Variants in MIR2052HG observed in about 807,000 individuals in gnomAD.
The protein encoded by MIR2052HG is MIR2052 host gene.
In MIR2052HG at chr8:74,713,851, G is replaced by A. The variant is rs527797881; in HGVS notation, n.371+10169G>A. The stretch of plus-strand genomic sequence containing the variant: ...ACTTTCAGAAGATACTTTGGGAAAT[G>A]TCCCACCCTAAAGAAAAACCATATT... On this transcript the variant is annotated intron_variant and non_coding_transcript_variant, in intron 4 of 6. Coordinates refer to ENST00000523442, the Ensembl canonical transcript of MIR2052HG. Among the ~76,000 whole-genome samples the A allele has an allele frequency of 7.9e-5, 12 of 152,186 alleles. No homozygotes were observed. In the South Asian group the frequency reaches 2.5e-3, roughly 32 times the overall value.
At chr8:74,642,791 A>G (rs1387248049) in intron 2 of MIR2052HG, among the ~76,000 whole-genome samples, 2 of 152,262 alleles carry the variant, frequency 1.3e-5, no homozygotes, top group East Asian at 3.9e-4. Context: ...TACAGGTTAA[A>G]CAACCTGATG....
chr8:74,633,630 A>G (rs1353105697), intron 2 of MIR2052HG, among the ~76,000 whole-genome samples: 1 of 152,162 alleles, frequency 6.6e-6, no homozygotes, highest in Non-Finnish European at 1.5e-5. Context: ...CCTAGGCTCA[A>G]TGTACTACTA....
chr8:74,727,185 G>T (rs1809645769), intron 4 of MIR2052HG, among the ~76,000 whole-genome samples: 2 of 152,124 alleles, frequency 1.3e-5, no homozygotes, highest in East Asian at 1.9e-4. Context: ...GTTAAAATCT[G>T]CTCTACATAC....
chr8:74,690,689 TAA>T lies in MIR2052HG; in HGVS notation n.217-11686_217-11685del, dbSNP rs543942129. ...AAAATAAAAATAAAAATTAAAAAATTAAAAAGTGTTAAGCCAGGAAAAGCATT... is the reference window on the plus strand; with the variant it reads ...AAAATAAAAATAAAAATTAAAAAATTAAAGTGTTAAGCCAGGAAAAGCATT... On this transcript the variant is annotated intron_variant and non_coding_transcript_variant, in intron 2 of 6. Transcript: ENST00000523442. Among the ~76,000 whole-genome samples the T allele has an allele frequency of 4.6e-4, 70 of 151,904 alleles. No individual in the cohort carries two copies. The East Asian group carries it at 7.4e-3, about 16-fold the overall frequency.
intron 4 of MIR2052HG, among the ~76,000 whole-genome samples, chr8:74,727,460 A>G (rs150708374): frequency 1.3e-5 from 2 of 152,332 alleles, no homozygotes; most frequent in Non-Finnish European, 2.9e-5. Context: ...TTTAAAAAGT[A>G]CTGAATAAGG....
intron 2 of MIR2052HG, among the ~76,000 whole-genome samples, chr8:74,629,602 A>G (rs1808481384): frequency 6.6e-6 from 1 of 151,904 alleles, no homozygotes; most frequent in Non-Finnish European, 1.5e-5. Flanking sequence ...CAGAGAGCTT[A>G]CTCCTGTCAG....
chr8:74,684,958 C>G (rs1048770462), intron 2 of MIR2052HG, among the ~76,000 whole-genome samples: 3 of 152,044 alleles, frequency 2.0e-5, no homozygotes, highest in Non-Finnish European at 4.4e-5. Context: ...TACAGCGAGA[C>G]AAATCTGATT....
chr8:74,681,197 A>G (rs1458599374), intron 2 of MIR2052HG, among the ~76,000 whole-genome samples: 2 of 151,606 alleles, frequency 1.3e-5, no homozygotes, highest in African/African-American at 2.4e-5. Context: ...CATGTACCCT[A>G]AAACTTAAAG....
chr8:74,725,051 C>T (rs1471626471), intron 4 of MIR2052HG, among the ~76,000 whole-genome samples: 2 of 152,088 alleles, frequency 1.3e-5, no homozygotes, highest in Non-Finnish European at 2.9e-5. Flanking sequence ...CGTATTAAAT[C>T]CCCTGGTGCA....
chr8:74,626,159 C>G (rs1244147485), intron 2 of MIR2052HG, among the ~76,000 whole-genome samples: 1 of 152,162 alleles, frequency 6.6e-6, no homozygotes, highest in East Asian at 1.9e-4. Context: ...TTGGCTCACT[C>G]AGAGCAGAGC....
chr8:74,726,676 A>G (rs1014917269), intron 4 of MIR2052HG, among the ~76,000 whole-genome samples: 1 of 152,214 alleles, frequency 6.6e-6, no homozygotes, highest in East Asian at 1.9e-4. Flanking sequence ...ACTGTGGAGC[A>G]TGTCTTGTCT....
chr8:74,643,727 TC>T (rs553122518), intron 2 of MIR2052HG, among the ~76,000 whole-genome samples: 12 of 152,322 alleles, frequency 7.9e-5, no homozygotes, highest in African/African-American at 2.9e-4. Context: ...TAGCAAAGTT[TC>T]CCTTGTACGG....
At chr8:74,609,242 A>T (rs955457233) in intron 1 of MIR2052HG, among the ~76,000 whole-genome samples, 1 of 151,982 alleles carries the variant, frequency 6.6e-6, no homozygotes, top group African/African-American at 2.4e-5. Flanking sequence ...AACAGAGTTT[A>T]CTGAGGAAGA....
At chr8:74,752,683 A>G in intron 5 of MIR2052HG, 1 of 330,748 alleles carries the variant, frequency 3.0e-6, no homozygotes, top group Non-Finnish European at 5.9e-6. Context: ...ATGCCTAGAA[A>G]AATGCTAGAT....
intron 4 of MIR2052HG, among the ~76,000 whole-genome samples, chr8:74,708,826 T>A (rs1024857061): frequency 2.0e-5 from 3 of 151,142 alleles, no homozygotes; most frequent in African/African-American, 7.3e-5. Context: ...AAATTAAAAT[T>A]AAAAATTTAA....
chr8:74,635,527 C>T (rs576734602), intron 2 of MIR2052HG, among the ~76,000 whole-genome samples: 1 of 152,262 alleles, frequency 6.6e-6, no homozygotes, highest in South Asian at 2.1e-4. Context: ...ATGCACAGAA[C>T]ACAATTTGTT....
intron 2 of MIR2052HG, among the ~76,000 whole-genome samples, chr8:74,647,950 C>T (rs1308704535): frequency 2.0e-5 from 3 of 152,090 alleles, no homozygotes; most frequent in Non-Finnish European, 1.5e-5. Flanking sequence ...TGTATGTCAC[C>T]TCAAGACCAC....
chr8:74,694,311 G>T (rs1176638933), intron 2 of MIR2052HG, among the ~76,000 whole-genome samples: 3 of 152,190 alleles, frequency 2.0e-5, no homozygotes, highest in Admixed American at 1.3e-4. Context: ...GGGAAGGGGA[G>T]AGCACCACAT....
intron 2 of MIR2052HG, among the ~76,000 whole-genome samples, chr8:74,642,192 AT>A (rs1039014583): frequency 1.3e-5 from 2 of 151,860 alleles, no homozygotes; most frequent in African/African-American, 4.8e-5. Flanking sequence ...TTTGCATGCT[AT>A]TTTTTTTCTA....
Sources: allele counts gnomAD v4.1 joint callset (sites outside exome capture counted in the v4.1 genomes callset), GRCh38; gene constraint gnomAD v4.1.1; transcripts MANE v1.5; gene names NCBI Gene and HGNC (gene_info 2026-07-23, HGNC 2026-07-21).